Variants in SHMT1 observed in about 807,000 individuals in gnomAD.
SHMT1 encodes serine hydroxymethyltransferase, cytosolic.
A neutral mutation model predicts 49.0 loss-of-function variants in SHMT1; 45 were observed. The observed-to-expected ratio is 0.92, with a 90% CI of 0.72 to 1.18. SHMT1 has a LOEUF of 1.18. Among genes scored for constraint, SHMT1 ranks in the 50% most tolerant of loss-of-function variants. The pLI, the probability that SHMT1 is intolerant of heterozygous loss-of-function variation, is 0.00. For missense variants in SHMT1, 541 were observed against 612.4 expected, an observed-to-expected ratio of 0.88 and a Z score of 1.23; for synonymous variants, 232 against 246.6, an observed-to-expected ratio of 0.94 and a Z score of 0.55.
At chr17:18,348,985 AAAAG>A (rs1985404368) in intron 3 of SHMT1, among the ~76,000 whole-genome samples, 1 of 148,890 alleles carries the variant, frequency 6.7e-6, no homozygotes, top group Non-Finnish European at 1.5e-5. Flanking sequence ...AAAGAAAAGA[AAAAG>A]AAAAAAAAAA....
chr17:18,347,360 G>A (rs905874103), intron 5 of SHMT1, 136 bp downstream of exon 5: 8 of 1,048,490 alleles, frequency 7.6e-6, no homozygotes, highest in South Asian at 6.4e-5. Flanking sequence ...AGGAGTCCCC[G>A]CTGCAAGGAA....
chr17:18,358,383 G>C (rs1032119405), intron 1 of SHMT1, among the ~76,000 whole-genome samples: 1 of 151,824 alleles, frequency 6.6e-6, no homozygotes, highest in Non-Finnish European at 1.5e-5. Flanking sequence ...CCAGCTACTC[G>C]GGAGGCTGAG....
chr17:18,335,777 T>C, intron 7 of SHMT1, 102 bp from the exon 8 acceptor site: 1 of 874,558 alleles, frequency 1.1e-6, no homozygotes, highest in South Asian at 1.3e-5. Context: ...AGCACAAGCC[T>C]GGCCTTTATC....
intron 4 of SHMT1, 61 bp downstream of exon 4, chr17:18,348,264 T>A (rs777706046): frequency 9.2e-7 from 1 of 1,091,590 alleles, no homozygotes; most frequent in Non-Finnish European, 1.4e-6. Context: ...TCTTGGTGCA[T>A]GTCGGCCCTG....
Position 18,328,879 on chromosome 17 carries a change from G to T in SHMT1, c.1323C>A (p.Val441=), listed in dbSNP as rs566711364. ...CCTTGAACTCTTTCAGGGTGGCTCTGACACCAGTGTCGCTCTGGATCTGCA... is the reference window on the plus strand; with the variant it reads ...CCTTGAACTCTTTCAGGGTGGCTCTTACACCAGTGTCGCTCTGGATCTGCA... ...LTLQIQSDTG[V]RATLKEFKER... The change falls in exon 12 of 12, where the codon GTC becomes GTA. Residue 441 remains valine (V), a synonymous_variant. Transcript: ENST00000316694. 1 of 1,613,964 alleles carries T rather than the reference G, an allele frequency of 6.2e-7. No individual in the cohort carries two copies. Among genetic ancestry groups the T allele is most frequent in the African/African-American group, 1.3e-5 (1 of 75,052 alleles).
At chr17:18,349,403 C>G (rs928445425) in intron 3 of SHMT1, among the ~76,000 whole-genome samples, 3 of 151,650 alleles carry the variant, frequency 2.0e-5, no homozygotes, top group African/African-American at 7.3e-5. Context: ...CTGGGCATCC[C>G]AGCAAGACTC....
intron 2 of SHMT1, among the ~76,000 whole-genome samples, chr17:18,355,175 C>T (rs1484203648): frequency 6.7e-6 from 1 of 148,826 alleles, no homozygotes; most frequent in African/African-American, 2.5e-5. Context: ...CGAGACCATC[C>T]TGGCTAACAT....
chr17:18,358,398 G>A (rs1986453443), intron 1 of SHMT1, among the ~76,000 whole-genome samples: 1 of 151,980 alleles, frequency 6.6e-6, no homozygotes. Flanking sequence ...GCTGAGGCAG[G>A]AGAATCACTT....
intron 3 of SHMT1, chr17:18,353,424 A>G (rs1448438452): frequency 1.9e-6 from 1 of 518,758 alleles, no homozygotes; most frequent in Non-Finnish European, 3.5e-6. Flanking sequence ...CTCCTTACAA[A>G]CTGGCCTGTT....
intron 5 of SHMT1, among the ~76,000 whole-genome samples, chr17:18,346,171 A>C (rs984185761): frequency 2.0e-5 from 3 of 152,150 alleles, no homozygotes; most frequent in African/African-American, 7.2e-5. Context: ...CATGGACAGC[A>C]TGCACCCAAG....
intron 1 of SHMT1, among the ~76,000 whole-genome samples, chr17:18,356,854 A>C (rs1188234761): frequency 1.3e-5 from 2 of 152,052 alleles, no homozygotes; most frequent in Non-Finnish European, 2.9e-5. Context: ...CAGGGAGCCC[A>C]ACTCCGCCTC....
chr17:18,355,939 A>G lies in SHMT1; in HGVS notation c.43T>C (p.Trp15Arg). The change falls in exon 2 of 12, where the codon TGG (tryptophan) becomes CGG (arginine). Residue 15 changes from tryptophan to arginine, a missense_variant. Transcript: ENST00000316694. ...GCCAGCATCTTGTCATGTGAGGACC[A>G]CAGGTCAGCATCCTTGTGGGCCCCG... ...VNGAHKDADL[W>R]SSHDKMLAQP... The G allele has an allele frequency of 6.2e-7, 1 of 1,614,190 alleles. No individual in the cohort carries two copies. Among genetic ancestry groups the G allele is most frequent in the Non-Finnish European group, 8.5e-7 (1 of 1,180,008 alleles).
At position 18,360,046 on chromosome 17, in the gene SHMT1, G is replaced by A. The variant is rs368876113; in HGVS notation, c.-20+3326C>T. On this transcript the variant is annotated intron_variant, in intron 1 of 11. Transcript: ENST00000316694. ...GCGGATCACCTGAGGTCAGGAGTTC[G>A]AGACCAGCCTGGCCAACACAGCGAA... 2.2e-4 allele frequency among the ~76,000 whole-genome samples: 33 copies of A among 152,024 alleles called. 2 individuals carry two copies. The highest frequency in any genetic ancestry group is 1.4e-3 in the Admixed American group (21 of 15,248).
intron 5 of SHMT1, among the ~76,000 whole-genome samples, chr17:18,346,996 G>A (rs547731968): frequency 2.0e-5 from 3 of 152,314 alleles, no homozygotes; most frequent in East Asian, 1.9e-4. Context: ...TAGCCCTAAC[G>A]TGGCCATGGA....
At chr17:18,338,893 G>A (rs923763741) in intron 7 of SHMT1, among the ~76,000 whole-genome samples, 2 of 152,024 alleles carry the variant, frequency 1.3e-5, no homozygotes, top group African/African-American at 4.8e-5. Context: ...CAAGTACCCA[G>A]GGACACAAAC....
At chr17:18,359,493 G>T (rs1986553348) in intron 1 of SHMT1, among the ~76,000 whole-genome samples, 1 of 151,846 alleles carries the variant, frequency 6.6e-6, no homozygotes, top group Non-Finnish European at 1.5e-5. Context: ...TGGCTAACAT[G>T]GTGAAACCCT....
intron 8 of SHMT1, 137 bp from the exon 9 acceptor site, chr17:18,333,425 T>C: frequency 1.9e-6 from 1 of 540,394 alleles, no homozygotes; most frequent in East Asian, 3.7e-5. Context: ...GATTATCTTT[T>C]CCTCCAAAAT....
rs780582991 is a variant in SHMT1 at position 18,353,755 on chromosome 17, C to G, written c.159G>C (p.Ser53=). ...RQRVGLELIA[S]ENFASRAVLE... Reference sequence around the variant, plus strand: ...AAACTGCTCGGCTGGCGAAATTCTCCGAGGCAATCAGCTCCAATCCAACCC... The same window carrying G: ...AAACTGCTCGGCTGGCGAAATTCTCGGAGGCAATCAGCTCCAATCCAACCC... Residue 53 remains serine (S), a synonymous_variant, in exon 3 of 12, where the codon TCG becomes TCC. Transcript: ENST00000316694. The G allele has an allele frequency of 6.2e-7, 1 of 1,614,040 alleles. No individual in the cohort carries two copies.
chr17:18,348,162 T>C lies in SHMT1; in HGVS notation c.358+163A>G. On this transcript the variant is annotated intron_variant, in intron 4 of 11. Transcript: ENST00000316694. ...CTTGAACTGCCGGCCTCAGGTGGTC[T>C]GCCTGCCTCCGCCTCCCAAAGTGCT... 3 of 665,270 alleles carry C rather than the reference T, an allele frequency of 4.5e-6. No homozygotes were observed. In the South Asian group the frequency reaches 4.6e-5, roughly 10 times the overall value. The allele number at this position is 665,270 out of a possible 1,614,324, so 41.2% of individuals were successfully genotyped here.
Sources: allele counts gnomAD v4.1 joint callset (sites outside exome capture counted in the v4.1 genomes callset), GRCh38; gene constraint gnomAD v4.1.1; transcripts MANE v1.5; gene names NCBI Gene and HGNC (gene_info 2026-07-23, HGNC 2026-07-21).